The following ZNF521 variants were observed in gnomAD, a reference collection of about 807,000 sequenced individuals.
The protein encoded by ZNF521 is LYST-interacting protein 3.
A neutral mutation model predicts 105.5 loss-of-function variants in ZNF521; 14 were observed. The ratio of observed to expected loss-of-function variants is 0.13; its 90% CI spans 0.09 to 0.21. The LOEUF is 0.21. ZNF521 is among the 10% of genes least tolerant of loss of function. The pLI is 1.00. For missense variants in ZNF521, 1,233 were observed against 1,629.7 expected (o/e 0.76, Z 4.19); for synonymous variants, 635 against 606.0 (o/e 1.05, Z -0.70).
At chr18:25,255,946 C>CATAT (rs141025320) in intron 3 of ZNF521, among the ~76,000 whole-genome samples, 2 of 142,418 alleles carry the variant, frequency 1.4e-5, no homozygotes, top group African/African-American at 5.2e-5. Context: ...ATATATATGG[C>CATAT]ATATATATAT....
intron 2 of ZNF521, among the ~76,000 whole-genome samples, chr18:25,347,344 G>C (rs757214829): frequency 6.6e-6 from 1 of 152,146 alleles, no homozygotes; most frequent in Non-Finnish European, 1.5e-5. Flanking sequence ...CAGAAGATTC[G>C]TACCATAAGG....
chr18:25,116,532 G>C (rs1446164998), intron 5 of ZNF521, among the ~76,000 whole-genome samples: 1 of 152,012 alleles, frequency 6.6e-6, no homozygotes, highest in Non-Finnish European at 1.5e-5. Context: ...TTGTGGAATG[G>C]GAGTGCCACT....
chr18:25,276,232 C>G (rs763944559), intron 3 of ZNF521, among the ~76,000 whole-genome samples: 1 of 152,086 alleles, frequency 6.6e-6, no homozygotes, highest in Non-Finnish European at 1.5e-5. Flanking sequence ...CCCCTCCACC[C>G]ACCCCAGACA....
At chr18:25,071,583 A>C (rs2033223343) in intron 7 of ZNF521, among the ~76,000 whole-genome samples, 1 of 152,110 alleles carries the variant, frequency 6.6e-6, no homozygotes, top group South Asian at 2.1e-4. Flanking sequence ...AATCAACTAC[A>C]CCTGTAAGTA....
intron 2 of ZNF521, chr18:25,327,399 T>C (rs902659901): frequency 2.6e-6 from 3 of 1,147,290 alleles, no homozygotes; most frequent in Admixed American, 3.9e-5. Context: ...TTCATATGTG[T>C]ACTCACAACT....
chr18:25,349,133 C>T (rs1374818250), intron 2 of ZNF521, among the ~76,000 whole-genome samples: 4 of 152,084 alleles, frequency 2.6e-5, no homozygotes, highest in Non-Finnish European at 2.9e-5. Context: ...CCCTTTCCAC[C>T]GGACAGGCAC....
chr18:25,187,531 C>T (rs892543354), intron 5 of ZNF521, among the ~76,000 whole-genome samples: 1 of 151,970 alleles, frequency 6.6e-6, no homozygotes, highest in African/African-American at 2.4e-5. Flanking sequence ...GCCCTTTTAT[C>T]AACAATTTTG....
intron 3 of ZNF521, among the ~76,000 whole-genome samples, chr18:25,228,912 T>C (rs75935553): frequency 0.026 from 3,947 of 152,254 alleles, 81 homozygotes; most frequent in Non-Finnish European, 0.043. Context: ...GAAGAAACTT[T>C]AAAAGCTTTC....
chr18:25,226,500 G>C lies in ZNF521; in HGVS notation c.1418C>G (p.Pro473Arg). 6.2e-7 allele frequency: 1 copy of C among 1,614,152 alleles called. No homozygotes were observed. The highest frequency in any genetic ancestry group is 8.5e-7 in the Non-Finnish European group (1 of 1,180,014). ...QDPGLIVSAM[P>R]AIVYQCNFCS... The stretch of plus-strand genomic sequence containing the variant: ...GAAGTTACACTGGTAGACAATGGCA[G>C]GCATGGCAGAAACAATCAGACCTGG... Residue 473 changes from proline to arginine, a missense_variant, in exon 4 of 8, where the codon CCT becomes CGT. This residue lies in a region of ZNF521 where 380 missense variants were observed against 478.0 expected (regional missense o/e 0.80). Transcript: ENST00000361524. This position sits in a 1 kb window ranked among gnomAD's most constrained non-coding sequence, Gnocchi z 4.1.
chr18:25,314,519 G>A (rs73395136), intron 3 of ZNF521, among the ~76,000 whole-genome samples: 9,396 of 152,086 alleles, frequency 0.062, 343 homozygotes, highest in African/African-American at 0.098. Flanking sequence ...TTACACTGAC[G>A]AACAACATCC....
chr18:25,349,210 G>A (rs1012741259), intron 2 of ZNF521, among the ~76,000 whole-genome samples: 2 of 152,130 alleles, frequency 1.3e-5, no homozygotes, highest in Admixed American at 1.3e-4. Context: ...GTTTGTCCTG[G>A]TACTTCGCTC....
At chr18:25,066,744 G>T (rs2033071536) in intron 7 of ZNF521, among the ~76,000 whole-genome samples, 1 of 152,184 alleles carries the variant, frequency 6.6e-6, no homozygotes, top group Admixed American at 6.5e-5. Context: ...GAGACAGCAA[G>T]GACACAAATG....
In ZNF521 at chr18:25,225,359, T is replaced by C. The variant is rs1600177405; in HGVS notation, c.2559A>G (p.Lys853=). The C allele has an allele frequency of 6.2e-7, 1 of 1,614,098 alleles. No individual in the cohort carries two copies. The highest frequency in any genetic ancestry group is 8.5e-7 in the Non-Finnish European group (1 of 1,180,036). Residue 853 remains lysine, a synonymous_variant, in exon 4 of 8, where the codon AAA becomes AAG. Coordinates refer to ENST00000361524, the MANE Select transcript of ZNF521 (RefSeq NM_015461.3). The surrounding 1 kb of genome is among the most constrained non-coding windows in gnomAD (Gnocchi z 5.6). The part of the protein sequence containing the change: ...GTNGASEQVQ[K]EEVELQTLLT... ...GCAAAGTCTGCAGCTCCACTTCCTCTTTCTGCACTTGCTCGGAAGCTCCAT... is the reference window on the plus strand; with the variant it reads ...GCAAAGTCTGCAGCTCCACTTCCTCCTTCTGCACTTGCTCGGAAGCTCCAT...
intron 2 of ZNF521, among the ~76,000 whole-genome samples, chr18:25,336,151 C>T (rs1913869898): frequency 6.6e-6 from 1 of 152,178 alleles, no homozygotes; most frequent in Admixed American, 6.5e-5. Flanking sequence ...GTCAGCAGAC[C>T]ATTCCTGTAT....
At chr18:25,213,768 A>G (rs1479110147) in intron 4 of ZNF521, among the ~76,000 whole-genome samples, 1 of 152,140 alleles carries the variant, frequency 6.6e-6, no homozygotes, top group African/African-American at 2.4e-5. Context: ...TCTTTGGAGG[A>G]AAGATTTTCA....
At chr18:25,221,935 A>C (rs1217667317) in intron 4 of ZNF521, among the ~76,000 whole-genome samples, 1 of 152,122 alleles carries the variant, frequency 6.6e-6, no homozygotes, top group African/African-American at 2.4e-5. Context: ...GGTATATTGT[A>C]CATATTTAAT....
In ZNF521 at chr18:25,078,998, C is replaced by A. The variant is rs547744198; in HGVS notation, c.3906+10467G>T. 2.0e-3 allele frequency among the ~76,000 whole-genome samples: 310 copies of A among 152,336 alleles called. 1 individual carries two copies. Among genetic ancestry groups the A allele is most frequent in the Middle Eastern group, 0.014 (4 of 294 alleles). On this transcript the variant is annotated intron_variant, in intron 7 of 7. Coordinates refer to ENST00000361524, the MANE Select transcript of ZNF521 (RefSeq NM_015461.3). ...AGTTTGACCATCTTGGCTTCTTTCA[C>A]TTTAGACTGTGGCTTGCATCGCACA... is the stretch of plus-strand genomic sequence containing the variant.
intron 2 of ZNF521, among the ~76,000 whole-genome samples, chr18:25,349,460 T>C (rs1055159504): frequency 6.6e-6 from 1 of 152,178 alleles, no homozygotes; most frequent in African/African-American, 2.4e-5. Context: ...GAACTAAAAC[T>C]TCTGCGCTTT....
chr18:25,305,792 G>A (rs554198166), intron 3 of ZNF521, among the ~76,000 whole-genome samples: 1 of 152,256 alleles, frequency 6.6e-6, no homozygotes, highest in Admixed American at 6.5e-5. Context: ...TCTGGAATCT[G>A]ACTCATGTGA....
Sources: allele counts gnomAD v4.1 joint callset (sites outside exome capture counted in the v4.1 genomes callset), GRCh38; gene constraint gnomAD v4.1.1; regional missense constraint gnomAD v4.1.1; non-coding constraint Gnocchi (gnomAD v3.1); transcripts MANE v1.5; gene names NCBI Gene and HGNC (gene_info 2026-07-23, HGNC 2026-07-21).